The following CCDC85A variants were observed in gnomAD, a reference collection of about 807,000 sequenced individuals.
CCDC85A encodes coiled-coil domain-containing protein 85A.
In CCDC85A, 38 loss-of-function variants were observed where a neutral mutation model predicts 50.2. The observed-to-expected ratio is 0.76, with a 90% CI of 0.58 to 0.99. CCDC85A has a LOEUF of 0.99. Among genes scored for constraint, CCDC85A ranks in the 50% least tolerant of loss-of-function variants. The pLI is 0.00. For synonymous variants in CCDC85A, 366 were observed against 301.4 expected (o/e 1.21, Z -2.22); for missense variants, 820 against 742.0 (o/e 1.11, Z -1.22).
intron 2 of CCDC85A, among the ~76,000 whole-genome samples, chr2:56,268,640 A>G (rs1421545501): frequency 3.3e-5 from 5 of 151,674 alleles, no homozygotes; most frequent in African/African-American, 1.2e-4. Flanking sequence ...AAAAAATGAC[A>G]AAGTTACAAG....
At chr2:56,204,903 G>A (rs1282369858) in intron 2 of CCDC85A, among the ~76,000 whole-genome samples, 1 of 152,122 alleles carries the variant, frequency 6.6e-6, no homozygotes, top group Non-Finnish European at 1.5e-5. Context: ...AACACCTCTC[G>A]GCAAACGGGG....
At chr2:56,277,363 C>T (rs559211190) in intron 2 of CCDC85A, among the ~76,000 whole-genome samples, 11 of 152,030 alleles carry the variant, frequency 7.2e-5, no homozygotes, top group Non-Finnish European at 1.0e-4. Flanking sequence ...AAACCCAAAA[C>T]GTCCTTCATT....
intron 2 of CCDC85A, among the ~76,000 whole-genome samples, chr2:56,207,389 C>A (rs577442176): frequency 6.6e-6 from 1 of 152,164 alleles, no homozygotes; most frequent in Non-Finnish European, 1.5e-5. Context: ...GTTCCCATTT[C>A]TGCTTAAGCT....
At chr2:56,337,662 A>G (rs1269381584) in intron 2 of CCDC85A, among the ~76,000 whole-genome samples, 2 of 152,094 alleles carry the variant, frequency 1.3e-5, no homozygotes, top group African/African-American at 2.4e-5. Context: ...ACTACTGCCA[A>G]TGTTGATTTT....
intron 2 of CCDC85A, among the ~76,000 whole-genome samples, chr2:56,318,338 C>T (rs1367032163): frequency 6.6e-6 from 1 of 152,006 alleles, no homozygotes; most frequent in African/African-American, 2.4e-5. Context: ...CTCATCCACA[C>T]TGCAGGGACT....
intron 2 of CCDC85A, among the ~76,000 whole-genome samples, chr2:56,294,752 G>C (rs182784587): frequency 2.0e-5 from 3 of 152,284 alleles, no homozygotes; most frequent in East Asian, 1.9e-4. Context: ...TGGGTTGCTG[G>C]ATTGCAGAGG....
chr2:56,232,420 G>T (rs989280965), intron 2 of CCDC85A, among the ~76,000 whole-genome samples: 1 of 152,106 alleles, frequency 6.6e-6, no homozygotes, highest in African/African-American at 2.4e-5. Flanking sequence ...ATCTCACCTT[G>T]AATTGTAATA....
chr2:56,240,170 G>A lies in CCDC85A; in HGVS notation c.1240+46730G>A, dbSNP rs913118982. On this transcript the variant is annotated intron_variant, in intron 2 of 5. Transcript: ENST00000407595. ...TCATACCTATTAGTAGTTGCTCCCC[G>A]TTTCCCCTTCCTTCAGTTCCCAGCA... 8.6e-5 allele frequency among the ~76,000 whole-genome samples: 13 copies of A among 152,020 alleles called. No individual in the cohort carries two copies. In the East Asian group the frequency reaches 1.2e-3, roughly 14 times the overall value.
intron 2 of CCDC85A, among the ~76,000 whole-genome samples, chr2:56,222,232 T>C (rs1276754958): frequency 2.6e-5 from 4 of 152,136 alleles, no homozygotes; most frequent in Non-Finnish European, 5.9e-5. Context: ...TATGTGAGTA[T>C]TACAGTGTAG....
chr2:56,248,620 G>T (rs375823669), intron 2 of CCDC85A, among the ~76,000 whole-genome samples: 24 of 152,290 alleles, frequency 1.6e-4, no homozygotes, highest in African/African-American at 5.8e-4. Context: ...CAACACAAAC[G>T]TAGCAATTTC....
At chr2:56,220,213 C>A (rs1459507513) in intron 2 of CCDC85A, among the ~76,000 whole-genome samples, 1 of 151,032 alleles carries the variant, frequency 6.6e-6, no homozygotes, top group Non-Finnish European at 1.5e-5. Context: ...CAAATACTCC[C>A]TTCCATAATC....
chr2:56,215,468 G>T (rs1002151712), intron 2 of CCDC85A, among the ~76,000 whole-genome samples: 9 of 151,766 alleles, frequency 5.9e-5, no homozygotes, highest in African/African-American at 2.2e-4. Context: ...GTCTTGTTCT[G>T]AATGTTAGGG....
intron 3 of CCDC85A, among the ~76,000 whole-genome samples, chr2:56,343,176 T>A (rs1451937603): frequency 6.6e-6 from 1 of 152,100 alleles, no homozygotes; most frequent in Non-Finnish European, 1.5e-5. Flanking sequence ...GAAATGAGAA[T>A]GTGAAATAAT....
Position 56,184,520 on chromosome 2 carries a change from G to A in CCDC85A, c.-105G>A. 6 of 1,217,918 alleles carry A rather than the reference G, an allele frequency of 4.9e-6. No individual in the cohort carries two copies. Among genetic ancestry groups the A allele is most frequent in the Non-Finnish European group, 5.2e-6 (5 of 963,506 alleles). The allele number at this position is 1,217,918 out of a possible 1,614,324, so 75.4% of individuals were successfully genotyped here. ...GGCCCCTGGGCGGTGCCGCTGACTCGCCGGAGCGCACAGGGGTGTGGGCGG... is the reference window on the plus strand; with the variant it reads ...GGCCCCTGGGCGGTGCCGCTGACTCACCGGAGCGCACAGGGGTGTGGGCGG... On this transcript the variant is annotated 5_prime_UTR_variant, in exon 1 of 6. Coordinates refer to ENST00000407595, the MANE Select transcript of CCDC85A (RefSeq NM_001080433.2).
intron 2 of CCDC85A, among the ~76,000 whole-genome samples, chr2:56,259,664 C>G (rs765748785): frequency 6.6e-6 from 1 of 152,186 alleles, no homozygotes; most frequent in Non-Finnish European, 1.5e-5. Flanking sequence ...AAAACTCTGC[C>G]TGCCTGGCTG....
chr2:56,240,657 G>A (rs1258847614), intron 2 of CCDC85A, among the ~76,000 whole-genome samples: 2 of 152,086 alleles, frequency 1.3e-5, no homozygotes, highest in African/African-American at 2.4e-5. Context: ...TGGGCCTTTT[G>A]TGCCTGCAAC....
chr2:56,330,448 C>G (rs1173658506), intron 2 of CCDC85A, among the ~76,000 whole-genome samples: 1 of 152,208 alleles, frequency 6.6e-6, no homozygotes, highest in African/African-American at 2.4e-5. Context: ...TTGCTTCAAA[C>G]TGTCCTGGGA....
chr2:56,196,311 C>T (rs1479274436), intron 2 of CCDC85A, among the ~76,000 whole-genome samples: 4 of 152,116 alleles, frequency 2.6e-5, no homozygotes, highest in African/African-American at 9.7e-5. Context: ...TGTAGAGTTC[C>T]GTTTTCAAAT....
rs931098120 is a variant in CCDC85A, at chr2:56,248,007, G to A, written c.1240+54567G>A. On this transcript the variant is annotated intron_variant, in intron 2 of 5. Coordinates refer to ENST00000407595, the MANE Select transcript of CCDC85A (RefSeq NM_001080433.2). ...CAGGGAGACTTGTCAGGGGCCCCAT[G>A]CTTTACCTGCTCTGCTCAGAGTCAC... Among the ~76,000 whole-genome samples, 47 of 152,318 alleles carry A rather than the reference G, an allele frequency of 3.1e-4. No individual in the cohort carries two copies. The South Asian group carries it at 3.7e-3, about 12-fold the overall frequency.
Sources: gnomAD v4.1 joint callset for allele counts (sites outside exome capture counted in the v4.1 genomes callset) on GRCh38, gnomAD v4.1.1 for gene constraint, MANE v1.5 for transcripts, NCBI Gene and HGNC (gene_info 2026-07-23, HGNC 2026-07-21) for gene names.